GPHN: variants seen among roughly 807,000 people sequenced by gnomAD.
GPHN encodes gephyrin.
Under a neutral mutation model 95.5 loss-of-function variants are expected in GPHN, and 17 were observed. The observed-to-expected ratio is 0.18, with a 90% CI of 0.12 to 0.27. The LOEUF is 0.27. Among genes scored for constraint, GPHN ranks in the 10% least tolerant of loss-of-function variants. The pLI is 1.00. For synonymous variants in GPHN, 320 were observed against 322.5 expected (o/e 0.99, Z 0.08); for missense variants, 660 against 978.1 (o/e 0.67, Z 4.34).
chr14:67,070,715 A>AAAAAAAAAAAAAAATATATATATATAT, intron 11 of GPHN, among the ~76,000 whole-genome samples: 4 of 80,696 alleles, frequency 5.0e-5, no homozygotes, highest in African/African-American at 3.8e-4. Context: ...AAAAAAAAAA[A>AAAAAAAAAAAAAAATATATATATATAT]ATATATATAT....
the GPHN span, among the ~76,000 whole-genome samples, chr14:67,710,642 G>A: frequency 6.6e-6 from 1 of 150,466 alleles, no homozygotes; most frequent in East Asian, 1.9e-4. Context: ...TTTATTTCCT[G>A]GTTCCTTTTA....
At chr14:67,325,058 T>C in the GPHN span, among the ~76,000 whole-genome samples, 1 of 151,750 alleles carries the variant, frequency 6.6e-6, no homozygotes, top group East Asian at 1.9e-4. Flanking sequence ...GTGCCCACCA[T>C]CATGCCTGGC....
the GPHN span, among the ~76,000 whole-genome samples, chr14:67,599,216 T>G: frequency 6.6e-6 from 1 of 152,212 alleles, no homozygotes; most frequent in Non-Finnish European, 1.5e-5. Flanking sequence ...TCTGGGATAA[T>G]ACATTCAATT....
Position 66,876,154 on chromosome 14 carries a change from G to A in GPHN, c.295-3785G>A, listed in dbSNP as rs538711620. Reference sequence around the variant, plus strand: ...AAACCTGCTCCTGAATAACTACTGGGTAAATAACAAAATTAAGGCAGAAAT... The same window carrying A: ...AAACCTGCTCCTGAATAACTACTGGATAAATAACAAAATTAAGGCAGAAAT... On this transcript the variant is annotated intron_variant, in intron 4 of 22. Coordinates refer to ENST00000478722, the MANE Select transcript of GPHN (RefSeq NM_020806.5). 8.5e-5 allele frequency among the ~76,000 whole-genome samples: 13 copies of A among 152,216 alleles called. No individual in the cohort carries two copies. The East Asian group carries it at 1.4e-3, about 16-fold the overall frequency.
intron 9 of GPHN, among the ~76,000 whole-genome samples, chr14:67,013,209 GA>G (rs1418810453): frequency 6.6e-6 from 1 of 151,700 alleles, no homozygotes; most frequent in East Asian, 1.9e-4. Context: ...GTATTATCTT[GA>G]TTTTTGTAGA....
At chr14:67,244,280 T>C in the GPHN span, among the ~76,000 whole-genome samples, 3 of 152,236 alleles carry the variant, frequency 2.0e-5, no homozygotes, top group Non-Finnish European at 4.4e-5. Flanking sequence ...TAAGTGGAAT[T>C]GCTGATAATA....
chr14:67,440,437 T>G, the GPHN span, among the ~76,000 whole-genome samples: 9 of 152,058 alleles, frequency 5.9e-5, no homozygotes, highest in Non-Finnish European at 1.3e-4. Context: ...CCACTCACCT[T>G]GATCCACTGC....
At chr14:66,701,580 C>T (rs2068562437) in intron 2 of GPHN, among the ~76,000 whole-genome samples, 1 of 152,178 alleles carries the variant, frequency 6.6e-6, no homozygotes. Flanking sequence ...GTAGCCCCTA[C>T]CCCGCAGCCA....
At chr14:66,687,581 C>G (rs1208744454) in intron 2 of GPHN, among the ~76,000 whole-genome samples, 1 of 150,978 alleles carries the variant, frequency 6.6e-6, no homozygotes, top group East Asian at 1.9e-4. Flanking sequence ...CTCTCGCCTC[C>G]TGGGTTCAAG....
intron 2 of GPHN, among the ~76,000 whole-genome samples, chr14:66,707,971 T>A (rs2069250570): frequency 6.6e-6 from 1 of 152,176 alleles, no homozygotes; most frequent in African/African-American, 2.4e-5. Context: ...GAAATATACA[T>A]TGCATTCTTA....
At chr14:67,371,043 A>G in the GPHN span, among the ~76,000 whole-genome samples, 6 of 152,160 alleles carry the variant, frequency 3.9e-5, no homozygotes, top group Non-Finnish European at 5.9e-5. Flanking sequence ...GGAAAACTCT[A>G]GGCCAGATGG....
chr14:67,006,840 C>A (rs1282738588), intron 9 of GPHN, among the ~76,000 whole-genome samples: 2 of 152,142 alleles, frequency 1.3e-5, no homozygotes. Context: ...TTGAGTCCAT[C>A]TTCATTTGTG....
chr14:67,337,226 G>C, the GPHN span, among the ~76,000 whole-genome samples: 2 of 152,192 alleles, frequency 1.3e-5, no homozygotes, highest in Non-Finnish European at 2.9e-5. Context: ...AAACTGCCTA[G>C]ACTGGCTGGG....
chr14:67,553,541 C>G, the GPHN span, among the ~76,000 whole-genome samples: 3 of 152,188 alleles, frequency 2.0e-5, no homozygotes, highest in East Asian at 5.8e-4. Flanking sequence ...CCTCTGATCT[C>G]TTGATTCCAG....
intron 17 of GPHN, among the ~76,000 whole-genome samples, chr14:67,135,957 G>A (rs1430090660): frequency 6.6e-6 from 1 of 152,124 alleles, no homozygotes; most frequent in Non-Finnish European, 1.5e-5. Flanking sequence ...TTTTGACAAG[G>A]ACTGTAATTA....
chr14:66,780,772 C>T (rs2059576604), intron 3 of GPHN, among the ~76,000 whole-genome samples: 1 of 152,102 alleles, frequency 6.6e-6, no homozygotes, highest in Non-Finnish European at 1.5e-5. Flanking sequence ...TTTGATGGCA[C>T]ATTAGCATTT....
the GPHN span, among the ~76,000 whole-genome samples, chr14:67,511,868 C>A: frequency 4.1e-3 from 621 of 152,348 alleles, 7 homozygotes; most frequent in African/African-American, 0.014. Context: ...AAGGAGCAAA[C>A]CCTCTTTTCC....
At chr14:67,392,416 G>A in the GPHN span, 1 of 1,612,588 alleles carries the variant, frequency 6.2e-7, no homozygotes, top group Non-Finnish European at 8.5e-7. Flanking sequence ...TCTTCTTTTT[G>A]TAGCTCTCAG....
At chr14:66,952,981 A>C (rs1284328467) in intron 8 of GPHN, among the ~76,000 whole-genome samples, 2 of 151,746 alleles carry the variant, frequency 1.3e-5, no homozygotes, top group Non-Finnish European at 2.9e-5. Context: ...GGTGTGAGCC[A>C]CTGCACCGGG....
Sources: gnomAD v4.1 joint callset for allele counts (sites outside exome capture counted in the v4.1 genomes callset) on GRCh38, gnomAD v4.1.1 for gene constraint, MANE v1.5 for transcripts, NCBI Gene and HGNC (gene_info 2026-07-23, HGNC 2026-07-21) for gene names.